The following KRABD5 variants were observed in gnomAD, a reference collection of about 807,000 sequenced individuals.
KRABD5 encodes the protein KRAB domain-containing protein 5.
the KRABD5 span, among the ~76,000 whole-genome samples, chr16:31,741,212 T>A: frequency 3.3e-5 from 5 of 152,226 alleles, no homozygotes; most frequent in Admixed American, 1.3e-4. Context: ...CAGTCCACCA[T>A]TGATGGGCAT....
At chr16:31,743,931 C>T in the KRABD5 span, among the ~76,000 whole-genome samples, 1 of 151,836 alleles carries the variant, frequency 6.6e-6, no homozygotes, top group Non-Finnish European at 1.5e-5. Context: ...CTTGTCTATT[C>T]TTGTTGTAAA....
the KRABD5 span, chr16:31,754,476 C>G: frequency 9.3e-6 from 6 of 646,442 alleles, no homozygotes; most frequent in African/African-American, 1.1e-4. Flanking sequence ...TACAATAAAT[C>G]TGATACAACA....
At chr16:31,722,624 AG>A in the KRABD5 span, 1 of 1,612,646 alleles carries the variant, frequency 6.2e-7, no homozygotes, top group Non-Finnish European at 8.5e-7. Flanking sequence ...TTTTTATTTC[AG>A]GGACTGTTGA....
At chr16:31,747,689 G>T in the KRABD5 span, among the ~76,000 whole-genome samples, 2 of 152,162 alleles carry the variant, frequency 1.3e-5, no homozygotes, top group East Asian at 1.9e-4. Flanking sequence ...ATTGTAACTG[G>T]TGTGAGATGG....
chr16:31,747,450 A>C, the KRABD5 span, among the ~76,000 whole-genome samples: 2 of 152,220 alleles, frequency 1.3e-5, 1 homozygote, highest in Admixed American at 1.3e-4. Flanking sequence ...CAATAAACAT[A>C]CATGTGCATG....
chr16:31,735,488 A>G, the KRABD5 span, among the ~76,000 whole-genome samples: 2 of 151,898 alleles, frequency 1.3e-5, no homozygotes, highest in Non-Finnish European at 2.9e-5. Flanking sequence ...GAACCTCCAT[A>G]CTCTTTTATA....
chr16:31,739,513 A>C, the KRABD5 span, among the ~76,000 whole-genome samples: 3 of 151,842 alleles, frequency 2.0e-5, no homozygotes, highest in African/African-American at 7.3e-5. Flanking sequence ...CTCTGATTAT[A>C]ATGTGTCTTG....
chr16:31,749,797 AC>A, the KRABD5 span, among the ~76,000 whole-genome samples: 1 of 152,052 alleles, frequency 6.6e-6, no homozygotes, highest in Non-Finnish European at 1.5e-5. Flanking sequence ...GAATCTGGAT[AC>A]CTTGGTTGCT....
the KRABD5 span, among the ~76,000 whole-genome samples, chr16:31,722,227 C>A: frequency 6.6e-6 from 1 of 152,098 alleles, no homozygotes; most frequent in Non-Finnish European, 1.5e-5. Flanking sequence ...GCATGTGCCA[C>A]CACGCCCAGC....
chr16:31,731,236 G>C, the KRABD5 span, among the ~76,000 whole-genome samples: 1 of 152,182 alleles, frequency 6.6e-6, no homozygotes. Context: ...TTTTGACTAA[G>C]ATTGCACCTG....
chr16:31,737,813 C>G, the KRABD5 span, among the ~76,000 whole-genome samples: 20 of 152,280 alleles, frequency 1.3e-4, no homozygotes, highest in South Asian at 1.0e-3. Context: ...CATCTGTGGT[C>G]TCTTGAGATT....
the KRABD5 span, among the ~76,000 whole-genome samples, chr16:31,731,564 A>G: frequency 6.6e-6 from 1 of 152,082 alleles, no homozygotes; most frequent in Non-Finnish European, 1.5e-5. Context: ...TCTGGAACTG[A>G]TTCATAGGGG....
the KRABD5 span, chr16:31,758,083 A>G: frequency 2.0e-5 from 3 of 152,210 alleles, no homozygotes; most frequent in Non-Finnish European, 2.9e-5. Flanking sequence ...TCTAAACAAC[A>G]TTCATTAAAA....
the KRABD5 span, chr16:31,713,338 G>A: frequency 6.5e-7 from 1 of 1,536,866 alleles, no homozygotes; most frequent in Non-Finnish European, 8.8e-7. Context: ...AGGCGGCTTC[G>A]CGTTCTGAGA....
At chr16:31,721,180 CAG>C in the KRABD5 span, among the ~76,000 whole-genome samples, 1 of 152,130 alleles carries the variant, frequency 6.6e-6, no homozygotes, top group African/African-American at 2.4e-5. Context: ...TGTTAAAAAA[CAG>C]AAAAAGCCAT....
At chr16:31,744,344 A>G in the KRABD5 span, among the ~76,000 whole-genome samples, 2 of 152,200 alleles carry the variant, frequency 1.3e-5, no homozygotes, top group Non-Finnish European at 2.9e-5. Flanking sequence ...GGAATGATAA[A>G]TTTTATCAAA....
At chr16:31,724,740 A>G in the KRABD5 span, among the ~76,000 whole-genome samples, 2 of 151,966 alleles carry the variant, frequency 1.3e-5, no homozygotes, top group South Asian at 4.1e-4. Flanking sequence ...AGCAAATCTC[A>G]AGTATATATG....
the KRABD5 span, among the ~76,000 whole-genome samples, chr16:31,747,750 G>A: frequency 3.7e-3 from 571 of 152,304 alleles, 8 homozygotes; most frequent in Middle Eastern, 0.024. Context: ...GTGATGATGC[G>A]CATTTCTTCG....
chr16:31,756,163 A>T, the KRABD5 span: 1 of 152,320 alleles, frequency 6.6e-6, no homozygotes, highest in Admixed American at 6.5e-5. Flanking sequence ...AGGTCGTTCT[A>T]TAGTAGGTGA....
Sources: gnomAD v4.1 joint callset for allele counts (sites outside exome capture counted in the v4.1 genomes callset) on GRCh38, gnomAD v4.1.1 for gene constraint, MANE v1.5 for transcripts, NCBI Gene and HGNC (gene_info 2026-07-23, HGNC 2026-07-21) for gene names.